UBE2W: variants seen among roughly 807,000 people sequenced by gnomAD.
UBE2W encodes ubiquitin conjugating enzyme E2 W.
In UBE2W, 18 loss-of-function variants were observed where a neutral mutation model predicts 27.2. The observed-to-expected ratio is 0.66, with a 90% CI of 0.46 to 0.98. UBE2W has a LOEUF of 0.98. Among genes scored for constraint, UBE2W ranks in the 50% least tolerant of loss-of-function variants. The probability of loss-of-function intolerance (pLI) is 0.00; values close to 1 mark genes in which losing one functional copy is unlikely to be tolerated. For synonymous variants in UBE2W, 53 were observed against 57.2 expected (o/e 0.93, Z 0.33); for missense variants, 90 against 180.2 (o/e 0.50, Z 2.87).
At chr8:73,872,892 T>C (rs944296029) in intron 1 of UBE2W, among the ~76,000 whole-genome samples, 12 of 151,652 alleles carry the variant, frequency 7.9e-5, no homozygotes, top group African/African-American at 2.9e-4. Flanking sequence ...ATAATCCTTT[T>C]TTTTTTTCCT....
At chr8:73,812,734 G>A (rs1809200769) in intron 3 of UBE2W, among the ~76,000 whole-genome samples, 2 of 151,924 alleles carry the variant, frequency 1.3e-5, no homozygotes, top group South Asian at 4.2e-4. Context: ...TTTTCGGTGT[G>A]GCTCATGCCT....
chr8:73,871,318 C>T (rs182054683), intron 1 of UBE2W, among the ~76,000 whole-genome samples: 1 of 152,238 alleles, frequency 6.6e-6, no homozygotes, highest in East Asian at 1.9e-4. Context: ...TGCCTATATA[C>T]CAACATGGGG....
At chr8:73,801,582 A>G (rs556200946) in intron 5 of UBE2W, among the ~76,000 whole-genome samples, 1 of 152,318 alleles carries the variant, frequency 6.6e-6, no homozygotes, top group African/African-American at 2.4e-5. Flanking sequence ...AAAAATAACT[A>G]TGTTTGTCAA....
Position 73,805,454 on chromosome 8 carries a change from C to CAAAAAAAAAAAAAAAAAAAAAAAAAAAAA in UBE2W, c.442+196_442+197insTTTTTTTTTTTTTTTTTTTTTTTTTTTTT, listed in dbSNP as rs1162712227. ...GGGCAACAAGAGCAAAACTCCATCT[C>CAAAAAAAAAAAAAAAAAAAAAAAAAAAAA]AAAAAAAAAAAAAAAAACAAAAAAA... On this transcript the variant is annotated intron_variant, in intron 5 of 5. Transcript: ENST00000602593. 1.5e-3 allele frequency among the ~76,000 whole-genome samples: 22 copies of CAAAAAAAAAAAAAAAAAAAAAAAAAAAAA among 14,582 alleles called. 3 individuals carry two copies. The highest frequency in any genetic ancestry group is 2.8e-3 in the Admixed American group (2 of 718). The allele number at this position is 14,582 out of a possible 152,430, so 9.6% of individuals were successfully genotyped here.
intron 3 of UBE2W, among the ~76,000 whole-genome samples, chr8:73,819,072 T>C (rs1312578792): frequency 1.6e-4 from 24 of 152,216 alleles, no homozygotes; most frequent in Admixed American, 1.6e-3. Flanking sequence ...TTAGAGCCTT[T>C]GCATTTTGTC....
intron 1 of UBE2W, among the ~76,000 whole-genome samples, chr8:73,875,222 A>G (rs1812167431): frequency 6.6e-6 from 1 of 152,216 alleles, no homozygotes; most frequent in East Asian, 1.9e-4. Context: ...AACTCTAGCA[A>G]TATTAGGGAG....
At chr8:73,873,713 C>T (rs767503606) in intron 1 of UBE2W, among the ~76,000 whole-genome samples, 34 of 152,144 alleles carry the variant, frequency 2.2e-4, no homozygotes, top group Non-Finnish European at 4.3e-4. Context: ...ATTTCTAAGT[C>T]TGAAAATAAG....
chr8:73,785,817 G>A (rs909720212), downstream of UBE2W, among the ~76,000 whole-genome samples: 1 of 152,074 alleles, frequency 6.6e-6, no homozygotes, highest in Admixed American at 6.6e-5. Flanking sequence ...AGCTCCTGAC[G>A]TGATCCACCT....
chr8:73,843,579 G>A (rs769256333), intron 1 of UBE2W, among the ~76,000 whole-genome samples: 5 of 152,064 alleles, frequency 3.3e-5, no homozygotes, highest in Non-Finnish European at 5.9e-5. Flanking sequence ...AGGTTATAGT[G>A]AGTTATGATC....
chr8:73,787,511 G>A lies in UBE2W; in HGVS notation c.*6591C>T. On this transcript the variant is annotated 3_prime_UTR_variant, in exon 6 of 6. Coordinates refer to ENST00000602593, the MANE Select transcript of UBE2W (RefSeq NM_018299.6). ...CTAACATAGTTGTGTAGGACGGCAG[G>A]AACAGCTTGAGACATGATCGTTTTT... 1 of 985,418 alleles carries A rather than the reference G, an allele frequency of 1.0e-6. No homozygotes were observed. The highest frequency in any genetic ancestry group is 1.2e-6 in the Non-Finnish European group (1 of 829,928). 61.0% of individuals were successfully genotyped at this position (985,418 alleles called of 1,614,324 possible). A position where few individuals can be genotyped will look rare whatever the true frequency, so the allele number is the denominator to read the frequency against.
chr8:73,840,657 G>C (rs1277776955), intron 1 of UBE2W, among the ~76,000 whole-genome samples: 2 of 152,058 alleles, frequency 1.3e-5, no homozygotes, highest in Non-Finnish European at 2.9e-5. Flanking sequence ...GTATCCTCAG[G>C]AGCTTGATTC....
At chr8:73,855,695 A>G (rs533180549) in intron 1 of UBE2W, among the ~76,000 whole-genome samples, 1 of 152,004 alleles carries the variant, frequency 6.6e-6, no homozygotes, top group East Asian at 1.9e-4. Context: ...CGTGAGCCAC[A>G]GCACCCAGCC....
At chr8:73,866,505 T>C (rs1369840469) in intron 1 of UBE2W, among the ~76,000 whole-genome samples, 1 of 150,786 alleles carries the variant, frequency 6.6e-6, no homozygotes, top group African/African-American at 2.4e-5. Context: ...GCCATATTAA[T>C]ACTATGAAAC....
At chr8:73,873,482 A>C (rs1184838330) in intron 1 of UBE2W, among the ~76,000 whole-genome samples, 2 of 151,918 alleles carry the variant, frequency 1.3e-5, no homozygotes, top group African/African-American at 4.8e-5. Flanking sequence ...ACAGGGAAAA[A>C]ACCCATCTCT....
chr8:73,849,623 G>T (rs1414312999), intron 1 of UBE2W, among the ~76,000 whole-genome samples: 1 of 145,682 alleles, frequency 6.9e-6, no homozygotes, highest in Non-Finnish European at 1.5e-5. Context: ...AATAAGGAAA[G>T]ACACAGACAT....
At chr8:73,826,244 TTATA>T (rs770481436) in intron 2 of UBE2W, among the ~76,000 whole-genome samples, 4 of 152,210 alleles carry the variant, frequency 2.6e-5, no homozygotes, top group Non-Finnish European at 4.4e-5. Flanking sequence ...TATTTACAGT[TTATA>T]TACTATTCTT....
intron 2 of UBE2W, among the ~76,000 whole-genome samples, chr8:73,826,410 G>C (rs1809836451): frequency 6.6e-6 from 1 of 152,062 alleles, no homozygotes; most frequent in Admixed American, 6.5e-5. Context: ...CAATTCTCTT[G>C]AACTTTTCAG....
rs1808274967 is a variant in UBE2W, at chr8:73,793,214, T to A, written c.*888A>T. 1 of 985,692 alleles carries A rather than the reference T, an allele frequency of 1.0e-6. No individual in the cohort carries two copies. Among genetic ancestry groups the A allele is most frequent in the South Asian group, 4.7e-5 (1 of 21,296 alleles). 61.1% of individuals were successfully genotyped at this position (985,692 alleles called of 1,614,324 possible). A position where few individuals can be genotyped will look rare whatever the true frequency, so the allele number is the denominator to read the frequency against. ...CTCATGCTGATGGCTAGCAGGAAGT[T>A]AACAGAGTGTAACTTACTTGGAAAA... On this transcript the variant is annotated 3_prime_UTR_variant, in exon 6 of 6. Transcript: ENST00000602593.
intron 1 of UBE2W, among the ~76,000 whole-genome samples, chr8:73,835,027 T>C (rs1007238692): frequency 7.2e-5 from 11 of 152,176 alleles, no homozygotes; most frequent in African/African-American, 2.7e-4. Context: ...TGGGAAACAC[T>C]GCTGCAGAAA....
Sources: allele counts gnomAD v4.1 joint callset (sites outside exome capture counted in the v4.1 genomes callset), GRCh38; gene constraint gnomAD v4.1.1; transcripts MANE v1.5; gene names NCBI Gene and HGNC (gene_info 2026-07-23, HGNC 2026-07-21).